The following CAMKMT variants were observed in gnomAD, a reference collection of about 807,000 sequenced individuals.
CAMKMT encodes calmodulin-lysine N-methyltransferase, also known as CaM KMT.
A neutral mutation model predicts 48.0 loss-of-function variants in CAMKMT; 53 were observed. The ratio of observed to expected loss-of-function variants is 1.10; its 90% CI spans 0.89 to 1.39. The LOEUF is 1.39. Ranked by LOEUF, CAMKMT falls within the 40% of genes most tolerant of loss-of-function variation. CAMKMT has a pLI of 0.00. For missense variants in CAMKMT, 428 were observed against 402.7 expected (o/e 1.06, Z -0.54); for synonymous variants, 165 against 152.3 (o/e 1.08, Z -0.61).
intron 3 of CAMKMT, among the ~76,000 whole-genome samples, chr2:44,514,309 T>C (rs1670727036): frequency 6.6e-6 from 1 of 151,616 alleles, no homozygotes; most frequent in East Asian, 1.9e-4. Context: ...GAAAAATAAC[T>C]TCTGCCAGAC....
At chr2:44,631,476 A>AT (rs1572957823) in intron 3 of CAMKMT, 49 of 597,880 alleles carry the variant, frequency 8.2e-5, no homozygotes, top group South Asian at 2.4e-4. Flanking sequence ...ACAATTTTTT[A>AT]TTTTTTTTGT....
At chr2:44,417,400 AT>A (rs1257614116) in intron 3 of CAMKMT, among the ~76,000 whole-genome samples, 2 of 152,174 alleles carry the variant, frequency 1.3e-5, no homozygotes, top group Admixed American at 1.3e-4. Context: ...GTCTCAAAAA[AT>A]AAAAAATAAA....
chr2:44,490,819 G>T (rs1007333256), intron 3 of CAMKMT, among the ~76,000 whole-genome samples: 1 of 152,010 alleles, frequency 6.6e-6, no homozygotes, highest in African/African-American at 2.4e-5. Flanking sequence ...GGAGAAAAAG[G>T]AAGAGAAGAA....
At chr2:44,429,670 G>A (rs1436954811) in intron 3 of CAMKMT, among the ~76,000 whole-genome samples, 3 of 151,600 alleles carry the variant, frequency 2.0e-5, no homozygotes, top group Admixed American at 6.6e-5. Flanking sequence ...GCGCGGTGGC[G>A]GGCGCCTGTA....
chr2:44,620,029 C>G (rs1283581763), intron 3 of CAMKMT, among the ~76,000 whole-genome samples: 1 of 152,044 alleles, frequency 6.6e-6, no homozygotes, highest in Admixed American at 6.5e-5. Flanking sequence ...GAAGCAAACC[C>G]AAGATAATCA....
At chr2:44,528,761 T>A (rs898062087) in intron 3 of CAMKMT, among the ~76,000 whole-genome samples, 1 of 152,206 alleles carries the variant, frequency 6.6e-6, no homozygotes, top group African/African-American at 2.4e-5. Context: ...TCATCTTGTT[T>A]CTTGCACACA....
intron 3 of CAMKMT, among the ~76,000 whole-genome samples, chr2:44,649,768 G>T (rs1673954393): frequency 6.6e-6 from 1 of 152,220 alleles, no homozygotes; most frequent in Non-Finnish European, 1.5e-5. Context: ...CTGCTCTCCT[G>T]TCCTTACCCT....
chr2:44,746,293 A>C (rs545570445), intron 8 of CAMKMT, among the ~76,000 whole-genome samples: 1 of 152,342 alleles, frequency 6.6e-6, no homozygotes, highest in Admixed American at 6.5e-5. Flanking sequence ...TTTACATGAA[A>C]ACAAGCTCTA....
At chr2:44,401,046 A>T (rs1041917263) in intron 3 of CAMKMT, 3 of 151,068 alleles carry the variant, frequency 2.0e-5, no homozygotes, top group Non-Finnish European at 4.4e-5. Context: ...CAATCTCCAC[A>T]AGTGTTTATT....
chr2:44,623,870 A>C (rs566025435), intron 3 of CAMKMT, among the ~76,000 whole-genome samples: 5 of 152,334 alleles, frequency 3.3e-5, no homozygotes, highest in African/African-American at 1.2e-4. Context: ...TTGTAGAATT[A>C]TATATAAATG....
At chr2:44,456,837 G>T in intron 3 of CAMKMT, 1 of 441,474 alleles carries the variant, frequency 2.3e-6, no homozygotes, top group Non-Finnish European at 4.0e-6. Flanking sequence ...GCCCAATTAT[G>T]TTTTCTACAA....
chr2:44,734,794 A>C (rs150262545), intron 7 of CAMKMT, among the ~76,000 whole-genome samples: 1 of 152,222 alleles, frequency 6.6e-6, no homozygotes, highest in South Asian at 2.1e-4. Context: ...ATATATTGGT[A>C]AATGGTCTAT....
chr2:44,709,156 C>T (rs561207646), intron 6 of CAMKMT, among the ~76,000 whole-genome samples: 2 of 152,166 alleles, frequency 1.3e-5, no homozygotes, highest in South Asian at 2.1e-4. Context: ...TTCATTCTGC[C>T]GGCCTTTCAA....
chr2:44,422,519 G>A (rs1684000444), intron 3 of CAMKMT, among the ~76,000 whole-genome samples: 1 of 152,096 alleles, frequency 6.6e-6, no homozygotes, highest in Non-Finnish European at 1.5e-5. Context: ...CTTGTTGTAT[G>A]GATGCTCCTC....
At chr2:44,679,450 C>T (rs1040119407) in intron 3 of CAMKMT, among the ~76,000 whole-genome samples, 1 of 152,126 alleles carries the variant, frequency 6.6e-6, no homozygotes, top group Non-Finnish European at 1.5e-5. Flanking sequence ...GAGTGGAGAA[C>T]TGTAAAGTGA....
intron 3 of CAMKMT, among the ~76,000 whole-genome samples, chr2:44,397,284 TA>T (rs1454731780): frequency 5.9e-5 from 9 of 152,134 alleles, no homozygotes; most frequent in Non-Finnish European, 1.3e-4. Context: ...AGAAAATTTA[TA>T]AGTTGTGTTA....
At chr2:44,622,956 G>A (rs1672281119) in intron 3 of CAMKMT, among the ~76,000 whole-genome samples, 1 of 152,306 alleles carries the variant, frequency 6.6e-6, no homozygotes, top group South Asian at 2.1e-4. Flanking sequence ...CCCACCAACA[G>A]TGCATAAGCA....
chr2:44,478,369 C>G (rs1314954462), intron 3 of CAMKMT, among the ~76,000 whole-genome samples: 1 of 152,092 alleles, frequency 6.6e-6, no homozygotes, highest in Non-Finnish European at 1.5e-5. Context: ...GCAATATCAT[C>G]AGTTGATGGC....
chr2:44,659,156 TC>T (rs1390731472), intron 3 of CAMKMT, among the ~76,000 whole-genome samples: 1 of 148,604 alleles, frequency 6.7e-6, no homozygotes, highest in African/African-American at 2.5e-5. Context: ...GCACAGTGGC[TC>T]ACACCTGTAA....
Sources: gnomAD v4.1 joint callset for allele counts (sites outside exome capture counted in the v4.1 genomes callset) on GRCh38, gnomAD v4.1.1 for gene constraint, MANE v1.5 for transcripts, NCBI Gene and HGNC (gene_info 2026-07-23, HGNC 2026-07-21) for gene names.